The following LRP1B variants were observed in gnomAD, a reference collection of about 807,000 sequenced individuals.
LRP1B encodes the protein low-density lipoprotein receptor-related protein 1B.
Under a neutral mutation model 556.6 loss-of-function variants are expected in LRP1B, and 217 were observed. The ratio of observed to expected loss-of-function variants is 0.39; its 90% confidence interval spans 0.35 to 0.44. The LOEUF is 0.44. Ranked by LOEUF, LRP1B falls within the 20% of genes least tolerant of loss-of-function variation. The pLI is 1.00. For missense variants in LRP1B, 5,053 were observed against 5,620.8 expected (o/e 0.90, Z 3.23); for synonymous variants, 2,047 against 1,865.8 (o/e 1.10, Z -2.50).
At chr2:140,397,303 C>A (rs569384833) in intron 66 of LRP1B, among the ~76,000 whole-genome samples, 1 of 152,066 alleles carries the variant, frequency 6.6e-6, no homozygotes, top group Non-Finnish European at 1.5e-5. Context: ...TTAAGCCCAG[C>A]ATGCATTAGC....
intron 1 of LRP1B, among the ~76,000 whole-genome samples, chr2:141,947,168 A>G (rs1172655287): frequency 2.0e-5 from 3 of 152,178 alleles, no homozygotes; most frequent in Admixed American, 1.3e-4. Context: ...ACGGTGGCTC[A>G]TGCCTATAAT....
Position 140,233,335 on chromosome 2 carries a change from GAA to G in LRP1B, c.13660-11_13660-10del. 1 of 1,552,984 alleles carries G rather than the reference GAA, an allele frequency of 6.4e-7. No individual in the cohort carries two copies. Among genetic ancestry groups the G allele is most frequent in the Non-Finnish European group, 8.7e-7 (1 of 1,149,702 alleles). On this transcript the variant is annotated splice_polypyrimidine_tract_variant and intron_variant, in intron 90 of 90. Transcript: ENST00000389484. Reference sequence around the variant, plus strand: ...TTGGAGTAATTTGTTGGCTGAAGGAGAAAAAAAATAAATATAATTTTATTACT... The same window carrying G: ...TTGGAGTAATTTGTTGGCTGAAGGAGAAAAAATAAATATAATTTTATTACT...
chr2:141,799,186 C>T (rs144680267), intron 2 of LRP1B, among the ~76,000 whole-genome samples: 3 of 152,214 alleles, frequency 2.0e-5, no homozygotes, highest in Middle Eastern at 3.4e-3. Context: ...TCCCAATGAC[C>T]CTCACCCTTG....
At chr2:141,238,039 G>GA (rs1297845935) in intron 5 of LRP1B, among the ~76,000 whole-genome samples, 5 of 151,960 alleles carry the variant, frequency 3.3e-5, no homozygotes, top group Admixed American at 6.6e-5. Flanking sequence ...ATTTTAATCA[G>GA]AAAAAATGAA....
chr2:140,667,331 G>A (rs1486977304), intron 41 of LRP1B, among the ~76,000 whole-genome samples: 1 of 152,128 alleles, frequency 6.6e-6, no homozygotes, highest in Non-Finnish European at 1.5e-5. Context: ...GAGACATCAG[G>A]CAATAGAGTT....
intron 3 of LRP1B, among the ~76,000 whole-genome samples, chr2:141,449,037 CAT>C (rs1252612053): frequency 6.6e-6 from 1 of 152,226 alleles, no homozygotes; most frequent in East Asian, 1.9e-4. Context: ...AATGTCATAT[CAT>C]AGGTAACATT....
chr2:141,634,994 A>T (rs1012814365), intron 2 of LRP1B, among the ~76,000 whole-genome samples: 24 of 151,782 alleles, frequency 1.6e-4, no homozygotes, highest in Non-Finnish European at 2.4e-4. Context: ...AAGAGGAATT[A>T]AAAAAAGTGA....
In LRP1B at chr2:141,176,681, A is replaced by C. The variant is rs371245679; in HGVS notation, c.1013+11740T>G. ...TTCTCTGATTATGTTTTCAAAACAA[A>C]CTTTTAATAGATGATTTGGATTCCT... is the stretch of plus-strand genomic sequence containing the variant. On this transcript the variant is annotated intron_variant, in intron 7 of 90. Coordinates refer to ENST00000389484, the MANE Select transcript of LRP1B (RefSeq NM_018557.3). Among the ~76,000 whole-genome samples the C allele has an allele frequency of 3.1e-4, 47 of 152,186 alleles. No homozygotes were observed. The East Asian group carries it at 9.1e-3, about 30-fold the overall frequency.
chr2:141,814,270 TGGGCTTTTTCTTATCTGGGGCCTACAGC>T (rs1558894050), intron 1 of LRP1B, among the ~76,000 whole-genome samples: 1 of 152,142 alleles, frequency 6.6e-6, no homozygotes, highest in Non-Finnish European at 1.5e-5. Context: ...TATAGGGATG[TGGGCTTTTTCTTATCTGGGGCCTACAGC>T]TTGATTTTCA....
chr2:140,909,661 G>A (rs1694358384), intron 21 of LRP1B, among the ~76,000 whole-genome samples: 1 of 150,800 alleles, frequency 6.6e-6, no homozygotes, highest in Non-Finnish European at 1.5e-5. Context: ...AAGAAATGAG[G>A]TATAATATTA....
chr2:141,490,211 T>C (rs1683276895), intron 2 of LRP1B, among the ~76,000 whole-genome samples: 2 of 152,262 alleles, frequency 1.3e-5, no homozygotes, highest in South Asian at 4.1e-4. Flanking sequence ...ATTTAATATG[T>C]GAAAAACATG....
intron 66 of LRP1B, among the ~76,000 whole-genome samples, chr2:140,422,192 CAA>C (rs1685474555): frequency 6.6e-6 from 1 of 152,068 alleles, no homozygotes; most frequent in Non-Finnish European, 1.5e-5. Context: ...TGGAACTTAG[CAA>C]AAGAGATATT....
intron 77 of LRP1B, among the ~76,000 whole-genome samples, chr2:140,345,811 TATATATAC>T (rs1051843796): frequency 1.2e-4 from 16 of 131,738 alleles, no homozygotes; most frequent in South Asian, 4.4e-4. Context: ...TATATACACA[TATATATAC>T]ATATATACAT....
rs143230011 is a variant in LRP1B, at chr2:141,688,577, C to T, written c.205+121702G>A. Among the ~76,000 whole-genome samples the T allele has an allele frequency of 3.3e-3, 499 of 151,908 alleles. 1 individual carries two copies. The highest frequency in any genetic ancestry group is 6.8e-3 in the Middle Eastern group (2 of 294). ...ATAATGATGAAAGTGAAAGCAAATA[C>T]CTCATTTTATAACTAAAGAAACTGA... On this transcript the variant is annotated intron_variant, in intron 2 of 90. Coordinates refer to ENST00000389484, the MANE Select transcript of LRP1B (RefSeq NM_018557.3).
At chr2:141,353,544 T>A (rs1469614607) in intron 3 of LRP1B, among the ~76,000 whole-genome samples, 1 of 151,992 alleles carries the variant, frequency 6.6e-6, no homozygotes, top group Non-Finnish European at 1.5e-5. Context: ...TCAATCAATT[T>A]TGCAAATACG....
chr2:141,908,628 C>T (rs2104947409), intron 1 of LRP1B, among the ~76,000 whole-genome samples: 1 of 152,106 alleles, frequency 6.6e-6, no homozygotes, highest in African/African-American at 2.4e-5. Flanking sequence ...GCTTATATAA[C>T]ATGTAATAAA....
intron 1 of LRP1B, among the ~76,000 whole-genome samples, chr2:142,056,085 A>C (rs1449681627): frequency 6.6e-6 from 1 of 152,120 alleles, no homozygotes; most frequent in East Asian, 1.9e-4. Context: ...CAGGAGGTGG[A>C]GGTTGCAGTG....
intron 3 of LRP1B, among the ~76,000 whole-genome samples, chr2:141,267,325 A>AGAT (rs1684926883): frequency 6.6e-6 from 1 of 152,326 alleles, no homozygotes; most frequent in South Asian, 2.1e-4. Flanking sequence ...TCTGAGCTTC[A>AGAT]GATTCTGATC....
intron 66 of LRP1B, among the ~76,000 whole-genome samples, chr2:140,399,304 T>G (rs1397349278): frequency 6.6e-6 from 1 of 152,196 alleles, no homozygotes; most frequent in Non-Finnish European, 1.5e-5. Context: ...TAAAATATAC[T>G]TTTAACTTTC....
Sources: allele counts gnomAD v4.1 joint callset (sites outside exome capture counted in the v4.1 genomes callset), GRCh38; gene constraint gnomAD v4.1.1; transcripts MANE v1.5; gene names NCBI Gene and HGNC (gene_info 2026-07-23, HGNC 2026-07-21).